Variants in SVIL observed in about 807,000 individuals in gnomAD.
SVIL encodes archvillin.
Under a neutral mutation model 240.4 loss-of-function variants are expected in SVIL, and 101 were observed. The ratio of observed to expected loss-of-function variants is 0.42; its 90% CI spans 0.36 to 0.50. The LOEUF is 0.50. SVIL is among the 20% of genes least tolerant of loss of function. SVIL has a pLI of 0.01. For missense variants in SVIL, 2,512 were observed against 2,818.7 expected (o/e 0.89, Z 2.46); for synonymous variants, 999 against 1,100.0 (o/e 0.91, Z 1.82).
chr10:29,470,351 T>C lies in SVIL; in HGVS notation c.5768A>G (p.Tyr1923Cys), dbSNP rs749437762. ...CTGGGCTTTGCATCCGTGCCACAGG[T>C]AGATGAGGGCCTTGTTGACGTTAAG... ...VVLNVNKALI[Y>C]LWHGCKAQAH... The change falls in exon 32 of 38, where the codon TAC becomes TGC. Residue 1923 changes from tyrosine to cysteine, a missense_variant. Physicochemically the swap from Tyr to Cys is radical, Grantham distance 194. Around this residue, in one of 3 missense-constraint regions of SVIL, gnomAD observed 797 missense variants for 925.3 expected, o/e 0.86. Transcript: ENST00000355867. The C allele has an allele frequency of 3.7e-6, 6 of 1,614,140 alleles. No homozygotes were observed. The highest frequency in any genetic ancestry group is 5.1e-6 in the Non-Finnish European group (6 of 1,180,032).
In SVIL at chr10:29,634,833, T is replaced by G. The variant is rs968078257; in HGVS notation, c.-614A>C. The G allele has an allele frequency of 1.3e-5, 2 of 152,062 alleles. No homozygotes were observed. Among genetic ancestry groups the G allele is most frequent in the Non-Finnish European group, 2.9e-5 (2 of 68,014 alleles). 9.4% of individuals were successfully genotyped at this position (152,062 alleles called of 1,614,324 possible). ...GCCAAAATATTAATAAAAAGAGTCT[T>G]CTTTTTGAAGTTTTTCGTCCCCTAG... On this transcript the variant is annotated 5_prime_UTR_variant, in exon 1 of 38. Transcript: ENST00000355867.
intron 29 of SVIL, chr10:29,475,558 G>A (rs1946106719): frequency 6.6e-6 from 1 of 152,338 alleles, no homozygotes; most frequent in East Asian, 1.9e-4. Flanking sequence ...CAAGAGACAA[G>A]AAGGTGACGC....
rs1547169 is a variant in SVIL at position 29,554,904 on chromosome 10, C to T, written c.39G>A (p.Gly13=). 0.26 allele frequency: 414,158 copies of T among 1,612,208 alleles called. 54,036 individuals carry two copies. Among genetic ancestry groups the T allele is most frequent in the East Asian group, 0.33 (14,695 of 44,828 alleles). The change falls in exon 5 of 38, where the codon GGG becomes GGA. Residue 13 remains glycine, a synonymous_variant. Coordinates refer to ENST00000355867, the MANE Select transcript of SVIL (RefSeq NM_021738.3). ...RKERIARRLE[G]IENDTQPILL... ...GGATGGGCTGAGTGTCATTTTCAAT[C>T]CCTTCCAGGCGCCTGGCAATTCTTT...
intron 24 of SVIL, 77 bp downstream of exon 24, chr10:29,487,086 A>T: frequency 6.5e-7 from 1 of 1,533,766 alleles, no homozygotes; most frequent in Non-Finnish European, 8.8e-7. Context: ...AAGCTTTGTG[A>T]CTGACGTCAG....
intron 5 of SVIL, among the ~76,000 whole-genome samples, chr10:29,554,190 AG>A (rs1361557919): frequency 1.3e-5 from 2 of 152,134 alleles, no homozygotes; most frequent in Non-Finnish European, 2.9e-5. Context: ...ACGCGCTCAT[AG>A]TCCCAGGTAC....
At chr10:29,589,197 A>G (rs1030853356) in intron 1 of SVIL, among the ~76,000 whole-genome samples, 7 of 152,260 alleles carry the variant, frequency 4.6e-5, no homozygotes, top group African/African-American at 1.4e-4. Context: ...CTCTGTGGAA[A>G]GCAGCGTTGG....
chr10:29,718,912 C>G (rs997908651), intron 1 of SVIL, among the ~76,000 whole-genome samples: 1 of 152,146 alleles, frequency 6.6e-6, no homozygotes, highest in Non-Finnish European at 1.5e-5. Context: ...GAGTTTAAGA[C>G]CAGCCTGGCC....
chr10:29,717,254 A>T (rs1329475402), intron 1 of SVIL, among the ~76,000 whole-genome samples: 1 of 148,534 alleles, frequency 6.7e-6, no homozygotes, highest in African/African-American at 2.5e-5. Context: ...AAAAAAAAAA[A>T]AAAAAAAAAA....
chr10:29,538,817 C>T (rs1951926593), intron 6 of SVIL, among the ~76,000 whole-genome samples: 1 of 152,046 alleles, frequency 6.6e-6, no homozygotes, highest in Non-Finnish European at 1.5e-5. Context: ...GGGATGCGAC[C>T]CCATTCTAAG....
chr10:29,678,945 C>A (rs1431166949), intron 2 of SVIL, among the ~76,000 whole-genome samples: 2 of 152,130 alleles, frequency 1.3e-5, no homozygotes, highest in Non-Finnish European at 2.9e-5. Context: ...GTGGCTCATG[C>A]CTGTAATCCC....
chr10:29,725,603 A>G (rs1005535507), intron 1 of SVIL, among the ~76,000 whole-genome samples: 5 of 152,132 alleles, frequency 3.3e-5, no homozygotes, highest in African/African-American at 1.2e-4. Flanking sequence ...CCTGAAATAG[A>G]GCTGCTTGCC....
chr10:29,549,355 T>TG (rs1953006869), intron 6 of SVIL, among the ~76,000 whole-genome samples: 1 of 129,554 alleles, frequency 7.7e-6, no homozygotes. Context: ...TGGCAGTCAT[T>TG]AAAAAGTCAG....
chr10:29,567,502 A>C (rs886861342), intron 2 of SVIL, among the ~76,000 whole-genome samples: 7 of 152,238 alleles, frequency 4.6e-5, no homozygotes, highest in Non-Finnish European at 1.0e-4. Flanking sequence ...TTTCACACTT[A>C]GCACCATGGC....
At chr10:29,573,591 AT>A (rs1955546504) in intron 1 of SVIL, among the ~76,000 whole-genome samples, 1 of 152,060 alleles carries the variant, frequency 6.6e-6, no homozygotes, top group African/African-American at 2.4e-5. Context: ...TATTATTATC[AT>A]TATTGTTTTA....
intron 1 of SVIL, among the ~76,000 whole-genome samples, chr10:29,725,294 T>C (rs1244336397): frequency 6.6e-6 from 1 of 152,054 alleles, no homozygotes; most frequent in Non-Finnish European, 1.5e-5. Flanking sequence ...GGGCAGGATC[T>C]CGTGTCCCCT....
At chr10:29,462,140 A>G in intron 36 of SVIL, 137 bp downstream of exon 36, 1 of 1,124,380 alleles carries the variant, frequency 8.9e-7, no homozygotes, top group Non-Finnish European at 1.3e-6. Flanking sequence ...AATTCTATGT[A>G]GGTTTGTTAA....
rs78336084 is a variant in SVIL, at chr10:29,485,954, G to A, written c.4779+131C>T. The A allele has an allele frequency of 9.7e-4, 990 of 1,022,388 alleles. 6 individuals are homozygous for A. In the African/African-American group the frequency reaches 0.014, roughly 15 times the overall value. The allele number at this position is 1,022,388 out of a possible 1,614,324, so 63.3% of individuals were successfully genotyped here. A position where few individuals can be genotyped will look rare whatever the true frequency, so the allele number is the denominator to read the frequency against. ...AATCACAAATATCCTTTAAAAAGCTGTAAATGTTCTACAATGGATACCGAC... is the reference window on the plus strand; with the variant it reads ...AATCACAAATATCCTTTAAAAAGCTATAAATGTTCTACAATGGATACCGAC... On this transcript the variant is annotated intron_variant, in intron 26 of 37. Coordinates refer to ENST00000355867, the MANE Select transcript of SVIL (RefSeq NM_021738.3).
At chr10:29,710,102 C>T (rs1435644690) in intron 1 of SVIL, among the ~76,000 whole-genome samples, 1 of 151,288 alleles carries the variant, frequency 6.6e-6, no homozygotes, top group African/African-American at 2.4e-5. Context: ...CACTCTGTTG[C>T]CTAGGCTGGA....
At chr10:29,573,721 T>C (rs935266031) in intron 1 of SVIL, among the ~76,000 whole-genome samples, 1 of 141,840 alleles carries the variant, frequency 7.1e-6, no homozygotes, top group African/African-American at 2.6e-5. Flanking sequence ...TTTTTTTTTT[T>C]TCCCGCTCTG....
Sources: allele counts gnomAD v4.1 joint callset (sites outside exome capture counted in the v4.1 genomes callset), GRCh38; gene constraint gnomAD v4.1.1; regional missense constraint gnomAD v4.1.1; transcripts MANE v1.5; gene names NCBI Gene and HGNC (gene_info 2026-07-23, HGNC 2026-07-21).